The following NELL1 variants were observed in gnomAD, a reference collection of about 807,000 sequenced individuals.
NELL1 encodes protein kinase C-binding protein NELL1.
Under a neutral mutation model 107.4 loss-of-function variants are expected in NELL1, and 76 were observed. The observed-to-expected ratio is 0.71, with a 90% CI of 0.59 to 0.86. NELL1 has a LOEUF of 0.86. NELL1 is among the 40% of genes least tolerant of loss of function. The pLI is 0.00. For synonymous variants in NELL1, 353 were observed against 341.2 expected (o/e 1.03, Z -0.38); for missense variants, 1,024 against 1,005.5 (o/e 1.02, Z -0.25).
At chr11:21,166,265 A>T (rs1307366267) in intron 13 of NELL1, among the ~76,000 whole-genome samples, 3 of 151,516 alleles carry the variant, frequency 2.0e-5, no homozygotes, top group African/African-American at 7.3e-5. Context: ...AGAAAAGGGG[A>T]TGGTTATATT....
chr11:21,389,058 A>C (rs926604210), intron 15 of NELL1, among the ~76,000 whole-genome samples: 15 of 151,858 alleles, frequency 9.9e-5, no homozygotes, highest in Non-Finnish European at 1.9e-4. Flanking sequence ...TTTGCTGGTT[A>C]TCTAAGCAGA....
At chr11:20,821,135 G>C (rs529501443) in intron 3 of NELL1, among the ~76,000 whole-genome samples, 12 of 152,192 alleles carry the variant, frequency 7.9e-5, no homozygotes, top group Non-Finnish European at 5.9e-5. Context: ...ACTGGGACTT[G>C]AAGCATGAGT....
intron 17 of NELL1, among the ~76,000 whole-genome samples, chr11:21,564,811 A>G (rs1052511064): frequency 3.3e-5 from 5 of 151,926 alleles, no homozygotes; most frequent in African/African-American, 1.2e-4. Flanking sequence ...GGAAAGTCAA[A>G]GTGAAGAAGA....
intron 13 of NELL1, among the ~76,000 whole-genome samples, chr11:21,198,873 T>C (rs1857208045): frequency 6.6e-6 from 1 of 152,314 alleles, no homozygotes. Context: ...GATTATGTTC[T>C]TCTGCTTTGA....
intron 13 of NELL1, among the ~76,000 whole-genome samples, chr11:21,177,564 T>C (rs1200368337): frequency 6.6e-6 from 1 of 151,860 alleles, no homozygotes; most frequent in Non-Finnish European, 1.5e-5. Context: ...CAGTGAATAA[T>C]ACTGAAATGC....
chr11:21,116,224 T>G (rs1855232239), intron 13 of NELL1, among the ~76,000 whole-genome samples: 1 of 152,024 alleles, frequency 6.6e-6, no homozygotes, highest in African/African-American at 2.4e-5. Flanking sequence ...TTCTTGGCTT[T>G]TGTGCCATCC....
chr11:20,826,178 C>T (rs763709432), intron 3 of NELL1, among the ~76,000 whole-genome samples: 2 of 151,204 alleles, frequency 1.3e-5, no homozygotes, highest in South Asian at 2.1e-4. Flanking sequence ...TACCCAGTCT[C>T]GGGTACGTCT....
chr11:20,804,383 G>A (rs960150613), intron 3 of NELL1, among the ~76,000 whole-genome samples: 6 of 152,078 alleles, frequency 3.9e-5, no homozygotes, highest in African/African-American at 1.2e-4. Flanking sequence ...CTACAGGCAC[G>A]TGCCACCACA....
intron 14 of NELL1, among the ~76,000 whole-genome samples, chr11:21,286,469 A>ATTT (rs1248500466): frequency 1.3e-5 from 2 of 152,200 alleles, no homozygotes; most frequent in African/African-American, 4.8e-5. Context: ...TTTTAGCCAG[A>ATTT]TGGCCCCCTG....
chr11:21,140,075 C>T (rs1197909100), intron 13 of NELL1, among the ~76,000 whole-genome samples: 1 of 152,092 alleles, frequency 6.6e-6, no homozygotes, highest in African/African-American at 2.4e-5. Flanking sequence ...CAGGAGCTCC[C>T]CAGCTTGTAT....
At position 20,783,739 on chromosome 11, in the gene NELL1, C is replaced by G; in HGVS notation, c.244C>G (p.Arg82Gly). The G allele has an allele frequency of 2.5e-6, 4 of 1,613,860 alleles. No individual in the cohort carries two copies. Among genetic ancestry groups the G allele is most frequent in the Non-Finnish European group, 2.5e-6 (3 of 1,179,856 alleles). ...GAGTGAGAAATTAATTCAGCTGTTC[C>G]GGAACAAGAGTGAATTCACCATTTT... ...HVSEKLIQLF[R>G]NKSEFTILAT... Residue 82 changes from arginine (R) to glycine (G), a missense_variant, in exon 3 of 20, where the codon CGG (arginine) becomes GGG (glycine). Arg to Gly is a moderately radical substitution (Grantham distance 125). Transcript: ENST00000357134.
At chr11:20,712,396 C>T (rs901625571) in intron 2 of NELL1, among the ~76,000 whole-genome samples, 4 of 152,070 alleles carry the variant, frequency 2.6e-5, no homozygotes, top group African/African-American at 7.2e-5. Context: ...TTTCACCTTT[C>T]TCTGGCATCT....
chr11:21,332,736 C>G (rs989983166), intron 14 of NELL1, among the ~76,000 whole-genome samples: 1 of 151,822 alleles, frequency 6.6e-6, no homozygotes, highest in African/African-American at 2.4e-5. Context: ...GTGTCATTCA[C>G]TTTTAAATTA....
chr11:20,841,190 T>C (rs1394888188), intron 3 of NELL1, among the ~76,000 whole-genome samples: 1 of 152,176 alleles, frequency 6.6e-6, no homozygotes, highest in Admixed American at 6.5e-5. Context: ...CCAGACTTTT[T>C]CCACCATATG....
intron 5 of NELL1, among the ~76,000 whole-genome samples, chr11:20,895,738 C>G (rs532187083): frequency 6.6e-6 from 1 of 152,026 alleles, no homozygotes; most frequent in East Asian, 1.9e-4. Flanking sequence ...GAACTCCTGA[C>G]CTCGTGATCC....
intron 11 of NELL1, 27 bp downstream of exon 11, chr11:20,947,462 C>A: frequency 6.5e-7 from 1 of 1,544,722 alleles, no homozygotes; most frequent in Non-Finnish European, 9.0e-7. Flanking sequence ...GTGGGCCATG[C>A]GTGGGGTGAG....
chr11:21,045,818 T>G (rs1853340605), intron 12 of NELL1, among the ~76,000 whole-genome samples: 1 of 152,170 alleles, frequency 6.6e-6, no homozygotes, highest in South Asian at 2.1e-4. Context: ...TTTTAAACAT[T>G]CTTTAGTTTA....
At chr11:20,760,520 T>C (rs1856395572) in intron 2 of NELL1, among the ~76,000 whole-genome samples, 1 of 152,136 alleles carries the variant, frequency 6.6e-6, no homozygotes. Context: ...CTGGGAAAAG[T>C]GAATCTAATG....
At chr11:20,743,813 C>A (rs141720678) in intron 2 of NELL1, among the ~76,000 whole-genome samples, 5 of 152,312 alleles carry the variant, frequency 3.3e-5, no homozygotes, top group African/African-American at 1.2e-4. Context: ...CACACCACTT[C>A]CCTGAAAGGC....
Sources: allele counts gnomAD v4.1 joint callset (sites outside exome capture counted in the v4.1 genomes callset), GRCh38; gene constraint gnomAD v4.1.1; transcripts MANE v1.5; gene names NCBI Gene and HGNC (gene_info 2026-07-23, HGNC 2026-07-21).